Variants in CLC observed in about 807,000 individuals in gnomAD.
The protein encoded by CLC is Charcot-Leyden crystal galectin.
Under a neutral mutation model 13.9 loss-of-function variants are expected in CLC, and 15 were observed. That is an observed-to-expected ratio of 1.08 (90% CI 0.72 to 1.66). The LOEUF (loss-of-function observed/expected upper bound fraction) is 1.66. Among genes scored for constraint, CLC ranks in the 40% most tolerant of loss-of-function variants. The pLI, the probability that CLC is intolerant of heterozygous loss-of-function variation, is 0.00. For missense variants in CLC, 161 were observed against 169.1 expected, an observed-to-expected ratio of 0.95 and a Z score of 0.27; for synonymous variants, 68 against 59.9, an observed-to-expected ratio of 1.14 and a Z score of -0.63.
intron 2 of CLC, 135 bp from the exon 3 acceptor site, chr19:39,734,628 T>C (rs1952253166): frequency 2.8e-6 from 2 of 712,252 alleles, no homozygotes; most frequent in Non-Finnish European, 4.8e-6. Context: ...ATTGTGGGGC[T>C]GCTTCAGCTC....
chr19:39,736,820 C>CA (rs1026214937), intron 1 of CLC, among the ~76,000 whole-genome samples: 6 of 151,644 alleles, frequency 4.0e-5, no homozygotes, highest in African/African-American at 1.2e-4. Flanking sequence ...GCCTGGGCTT[C>CA]AGTGAACCTC....
At chr19:39,734,161 G>T in intron 3 of CLC, 122 bp downstream of exon 3, 4 of 1,380,388 alleles carry the variant, frequency 2.9e-6, no homozygotes, top group South Asian at 1.4e-5. Context: ...CTGGGATAAG[G>T]GGAGTTGTGG....
rs757683266 is a variant in CLC at position 39,731,369 on chromosome 19, A to G, written c.*11T>C. 25 of 1,612,706 alleles carry G rather than the reference A, an allele frequency of 1.6e-5. No homozygotes were observed. Among genetic ancestry groups the G allele is most frequent in the East Asian group, 1.1e-4 (5 of 44,870 alleles). ...GTAGAGACAGGGATTCCTTGGCAAC[A>G]TGAAGTCTGGTTATCTCTTTAAATA... On this transcript the variant is annotated 3_prime_UTR_variant, in exon 4 of 4. Transcript: ENST00000221804.
Position 39,731,502 on chromosome 19 carries a change from TTACCTACAGA to T in CLC, c.304-7_306del. The T allele has an allele frequency of 1.2e-6, 2 of 1,603,372 alleles. No individual in the cohort carries two copies. Among genetic ancestry groups the T allele is most frequent in the Non-Finnish European group, 1.7e-6 (2 of 1,172,764 alleles). ...GTGTAAGAGGATTGGCCATTGACCA[TTACCTACAGA>T]AGGAAAAAAATACATCAGAAAGACA... On this transcript the variant is annotated splice_acceptor_variant and splice_polypyrimidine_tract_variant and coding_sequence_variant and intron_variant, in exon 4 of 4. Transcript: ENST00000221804. LOFTEE classifies it high-confidence loss of function.
chr19:39,734,523 G>T (rs1158511699), intron 2 of CLC, 30 bp from the exon 3 acceptor site: 2 of 1,593,038 alleles, frequency 1.3e-6, no homozygotes, highest in African/African-American at 1.3e-5. Context: ...TGTTGAGCAG[G>T]TCCCTTTCTT....
At chr19:39,736,730 G>T (rs577102570) in intron 1 of CLC, among the ~76,000 whole-genome samples, 1 of 149,336 alleles carries the variant, frequency 6.7e-6, no homozygotes, top group Non-Finnish European at 1.5e-5. Context: ...AGCCGAGATT[G>T]CACCACTGCA....
Position 39,731,476 on chromosome 19 carries a change from G to T in CLC, c.333C>A (p.Thr111=), listed in dbSNP as rs183442881. The T allele has an allele frequency of 6.2e-7, 1 of 1,612,432 alleles. No homozygotes were observed. The highest frequency in any genetic ancestry group is 2.2e-5 in the East Asian group (1 of 44,800). Residue 111 remains threonine (T), a synonymous_variant, in exon 4 of 4, where the codon ACC becomes ACA. Transcript: ENST00000221804. The part of the protein sequence containing the change: ...QVMVNGQSSY[T]FDHRIKPEAV... ...CCTCAGGCTTGATTCTATGGTCAAA[G>T]GTGTAAGAGGATTGGCCATTGACCA...
chr19:39,731,479 G>T lies in CLC; in HGVS notation c.330C>A (p.Tyr110Ter), dbSNP rs764430332. Residue 110 changes from tyrosine (Y) to a stop codon, truncating the protein, a stop_gained, in exon 4 of 4, where the codon TAC becomes TAA. Transcript: ENST00000221804. LOFTEE classifies it low-confidence loss of function (END_TRUNC). ...CAGGCTTGATTCTATGGTCAAAGGT[G>T]TAAGAGGATTGGCCATTGACCATTA... is the stretch of plus-strand genomic sequence containing the variant. The part of the protein sequence containing the change: ...YQVMVNGQSS[Y>*]TFDHRIKPEA... 1 of 1,612,334 alleles carries T rather than the reference G, an allele frequency of 6.2e-7. No homozygotes were observed. The highest frequency in any genetic ancestry group is 2.2e-5 in the East Asian group (1 of 44,808).
Position 39,731,519 on chromosome 19 carries a change from A to G in CLC, c.304-14T>C, listed in dbSNP as rs1230450922. 6.3e-7 allele frequency: 1 copy of G among 1,592,634 alleles called. No individual in the cohort carries two copies. The highest frequency in any genetic ancestry group is 8.6e-7 in the Non-Finnish European group (1 of 1,165,850). On this transcript the variant is annotated splice_polypyrimidine_tract_variant and intron_variant, in intron 3 of 3. Coordinates refer to ENST00000221804, the MANE Select transcript of CLC (RefSeq NM_001828.6). ...ATTGACCATTACCTACAGAAGGAAA[A>G]AAATACATCAGAAAGACAGTATTTC...
chr19:39,734,400 C>T lies in CLC; in HGVS notation c.186G>A (p.Val62=). 6.2e-7 allele frequency: 1 copy of T among 1,614,090 alleles called. No homozygotes were observed. The highest frequency in any genetic ancestry group is 8.5e-7 in the Non-Finnish European group (1 of 1,179,980). The stretch of plus-strand genomic sequence containing the variant: ...CCCCATACTCACGGCTGTTCATGAC[C>T]ACACGACGACCAAAGCACACTTGGA... ...FHFQVCFGRR[V]VMNSREYGAW... Residue 62 remains valine (V), a synonymous_variant, in exon 3 of 4, where the codon GTG becomes GTA. Coordinates refer to ENST00000221804, the MANE Select transcript of CLC (RefSeq NM_001828.6).
chr19:39,735,104 G>C (rs1484301116), intron 1 of CLC, 31 bp from the exon 2 acceptor site: 1 of 1,538,080 alleles, frequency 6.5e-7, no homozygotes. Context: ...GGTGAGAGAG[G>C]CAGGGCCAGG....
At position 39,731,308 on chromosome 19, in the gene CLC, T is replaced by A; in HGVS notation, c.*72A>T. ...GAGTAAGGATTGAAGTGAGAAAAGA[T>A]CATGCTGTTAGCTGGCTTTGGAATC... is the stretch of plus-strand genomic sequence containing the variant. On this transcript the variant is annotated 3_prime_UTR_variant, in exon 4 of 4. Transcript: ENST00000221804. 6.7e-7 allele frequency: 1 copy of A among 1,484,224 alleles called. No homozygotes were observed. Among genetic ancestry groups the A allele is most frequent in the Non-Finnish European group, 9.4e-7 (1 of 1,066,130 alleles). The allele number at this position is 1,484,224 out of a possible 1,614,324, so 91.9% of individuals were successfully genotyped here.
chr19:39,735,593 G>C (rs1214875408), intron 1 of CLC, among the ~76,000 whole-genome samples: 1 of 152,160 alleles, frequency 6.6e-6, no homozygotes, highest in Non-Finnish European at 1.5e-5. Flanking sequence ...TAGATTACAG[G>C]GGTGAGCCAC....
At chr19:39,734,052 A>C (rs1056369962) in intron 3 of CLC, 2 of 985,284 alleles carry the variant, frequency 2.0e-6, no homozygotes, top group African/African-American at 3.5e-5. Flanking sequence ...GCAAGCAACA[A>C]CACCTGTTGA....
Position 39,735,444 on chromosome 19 carries a change from T to C in CLC, c.16-371A>G, listed in dbSNP as rs967973685. ...GCTCAAGCCATCCTCTCAATTCAGT[T>C]TCTTGAGTAGCTGAGACTATTGGTC... On this transcript the variant is annotated intron_variant, in intron 1 of 3. Coordinates refer to ENST00000221804, the MANE Select transcript of CLC (RefSeq NM_001828.6). Among the ~76,000 whole-genome samples the C allele has an allele frequency of 2.6e-5, 4 of 152,276 alleles. No individual in the cohort carries two copies. In the East Asian group the frequency reaches 7.7e-4, roughly 29 times the overall value.
chr19:39,734,885 G>C lies in CLC; in HGVS notation c.92+112C>G, dbSNP rs977814722. 5.0e-5 allele frequency: 41 copies of C among 817,592 alleles called. No individual in the cohort carries two copies. The African/African-American group carries it at 6.6e-4, about 13-fold the overall frequency. The allele number at this position is 817,592 out of a possible 1,614,324, so 50.6% of individuals were successfully genotyped here. On this transcript the variant is annotated intron_variant, in intron 2 of 3. Coordinates refer to ENST00000221804, the MANE Select transcript of CLC (RefSeq NM_001828.6). The stretch of plus-strand genomic sequence containing the variant: ...GGTCTCCAGGACCTGCACATTCATG[G>C]CACTTCCATCCTGCCAACTAGACTT...
chr19:39,732,791 G>A (rs541505371), intron 3 of CLC, among the ~76,000 whole-genome samples: 26 of 151,816 alleles, frequency 1.7e-4, no homozygotes, highest in East Asian at 1.4e-3. Context: ...GGTGTGAGAC[G>A]GTAAACGTTA....
rs1227257369 is a variant in CLC at position 39,737,925 on chromosome 19, C to T, written c.15+13G>A. On this transcript the variant is annotated intron_variant, in intron 1 of 3. Transcript: ENST00000221804. Reference sequence around the variant, plus strand: ...GACCTGAGATTATTGAAGGCTGTGCCTTTTTAACTCACGGGTAGCAGGGAC... The same window carrying T: ...GACCTGAGATTATTGAAGGCTGTGCTTTTTTAACTCACGGGTAGCAGGGAC... The T allele has an allele frequency of 1.2e-6, 2 of 1,612,426 alleles. No individual in the cohort carries two copies. The highest frequency in any genetic ancestry group is 1.7e-5 in the Admixed American group (1 of 59,830).
intron 3 of CLC, among the ~76,000 whole-genome samples, chr19:39,733,363 G>T (rs1265283184): frequency 6.6e-6 from 1 of 152,198 alleles, no homozygotes; most frequent in Non-Finnish European, 1.5e-5. Context: ...TACACAGGGA[G>T]TCATATTTTA....
Sources: gnomAD v4.1 joint callset for allele counts (sites outside exome capture counted in the v4.1 genomes callset) on GRCh38, gnomAD v4.1.1 for gene constraint, MANE v1.5 for transcripts, NCBI Gene and HGNC (gene_info 2026-07-23, HGNC 2026-07-21) for gene names.